Variants in RHOU observed in about 807,000 individuals in gnomAD.
The protein encoded by RHOU is ras homolog family member U.
Under a neutral mutation model 12.6 loss-of-function variants are expected in RHOU, and 8 were observed. That is an observed-to-expected ratio of 0.64 (90% CI 0.37 to 1.15). The LOEUF (loss-of-function observed/expected upper bound fraction) is 1.15, where lower values mean the gene tolerates loss of function less well. RHOU is among the 50% of genes most tolerant of loss of function. The pLI, the probability that RHOU is intolerant of heterozygous loss-of-function variation, is 0.01. For missense variants in RHOU, 258 were observed against 347.0 expected, an observed-to-expected ratio of 0.74 and a Z score of 2.04; for synonymous variants, 161 against 147.4, an observed-to-expected ratio of 1.09 and a Z score of -0.67.
the RHOU span, among the ~76,000 whole-genome samples, chr1:228,722,673 A>G: frequency 6.7e-6 from 1 of 149,540 alleles, no homozygotes; most frequent in Non-Finnish European, 1.5e-5. Context: ...AGCAGGCCGG[A>G]GTGCAGTGGC....
the RHOU span, among the ~76,000 whole-genome samples, chr1:228,724,856 G>C: frequency 6.6e-6 from 1 of 152,050 alleles, no homozygotes. Flanking sequence ...TTCATTATGT[G>C]AGTCTCCACC....
chr1:228,666,537 A>G, the RHOU span, among the ~76,000 whole-genome samples: 1 of 152,028 alleles, frequency 6.6e-6, no homozygotes, highest in Non-Finnish European at 1.5e-5. Flanking sequence ...CCCCTTACCT[A>G]TCTGTTTTTT....
chr1:228,728,317 A>C, the RHOU span, among the ~76,000 whole-genome samples: 1 of 152,078 alleles, frequency 6.6e-6, no homozygotes, highest in African/African-American at 2.4e-5. Flanking sequence ...TGGTGCTTTC[A>C]TTTTTCTTCC....
At chr1:228,650,680 G>A in the RHOU span, 1 of 486,102 alleles carries the variant, frequency 2.1e-6, no homozygotes, top group Non-Finnish European at 4.0e-6. Context: ...TTCAAAGTGA[G>A]AGAGCTCTCA....
chr1:228,712,852 T>A, the RHOU span, among the ~76,000 whole-genome samples: 6 of 102,990 alleles, frequency 5.8e-5, no homozygotes, highest in African/African-American at 3.4e-4. Context: ...TAAAATAAAA[T>A]AAAATAAAAT....
the RHOU span, among the ~76,000 whole-genome samples, chr1:228,658,443 C>T: frequency 6.6e-6 from 1 of 152,156 alleles, no homozygotes; most frequent in South Asian, 2.1e-4. Context: ...ACACAATGTT[C>T]CTCCGCTCTG....
At chr1:228,648,170 C>G in the RHOU span, 3 of 152,460 alleles carry the variant, frequency 2.0e-5, no homozygotes, top group Non-Finnish European at 2.9e-5. Context: ...CTGGGTTGCT[C>G]TCCGTGTCTA....
At chr1:228,653,570 C>T in the RHOU span, among the ~76,000 whole-genome samples, 589 of 152,234 alleles carry the variant, frequency 3.9e-3, 5 homozygotes, top group African/African-American at 0.013. Flanking sequence ...CCACCCACTT[C>T]GGCCTCCCAA....
At position 228,735,764 on chromosome 1, in the gene RHOU, C is replaced by T. The variant is rs1662590279; in HGVS notation, c.22C>T (p.Pro8Ser). 3 of 1,210,040 alleles carry T rather than the reference C, an allele frequency of 2.5e-6. No individual in the cohort carries two copies. Among genetic ancestry groups the T allele is most frequent in the Non-Finnish European group, 3.1e-6 (3 of 974,774 alleles). 75.0% of individuals were successfully genotyped at this position (1,210,040 alleles called of 1,614,324 possible). MPPQQGDPAFPDRCEAPP... is the reference protein window; with the variant it reads MPPQQGDSAFPDRCEAPP... Reference sequence around the variant, plus strand: ...ATCGATGCCCCCGCAGCAGGGGGACCCCGCGTTCCCCGACCGCTGCGAGGC... The same window carrying T: ...ATCGATGCCCCCGCAGCAGGGGGACTCCGCGTTCCCCGACCGCTGCGAGGC... Residue 8 changes from proline to serine, a missense_variant, in exon 1 of 3, where the codon CCC becomes TCC. Pro to Ser is a moderately conservative substitution (Grantham distance 74). Coordinates refer to ENST00000366691, the MANE Select transcript of RHOU (RefSeq NM_021205.6). The surrounding 1 kb of genome is among the most constrained non-coding windows in gnomAD (Gnocchi z 8.1).
At chr1:228,663,633 T>TTTC in the RHOU span, among the ~76,000 whole-genome samples, 2 of 132,782 alleles carry the variant, frequency 1.5e-5, no homozygotes, top group East Asian at 2.2e-4. Context: ...TTCTTTTTTT[T>TTTC]TTTTTTTTTT....
chr1:228,725,120 C>CT, the RHOU span, among the ~76,000 whole-genome samples: 3 of 152,142 alleles, frequency 2.0e-5, no homozygotes, highest in African/African-American at 4.8e-5. Context: ...ATCCTTCCTG[C>CT]TGTTCATACT....
chr1:228,687,799 C>T, the RHOU span: 1 of 1,326,130 alleles, frequency 7.5e-7, no homozygotes, highest in Non-Finnish European at 1.1e-6. Flanking sequence ...GACAAGCACA[C>T]CCTGGGGGAC....
chr1:228,733,404 C>A (rs1189037150), upstream of RHOU, among the ~76,000 whole-genome samples: 1 of 152,210 alleles, frequency 6.6e-6, no homozygotes, highest in East Asian at 1.9e-4. Context: ...ACTTCCCAGG[C>A]TCAAGTGATC....
the RHOU span, among the ~76,000 whole-genome samples, chr1:228,657,954 G>A: frequency 2.6e-5 from 4 of 152,016 alleles, no homozygotes; most frequent in East Asian, 7.7e-4. Context: ...AAATTTATAC[G>A]TTGAAATTTA....
the RHOU span, among the ~76,000 whole-genome samples, chr1:228,693,062 G>C: frequency 1.3e-5 from 2 of 152,118 alleles, no homozygotes; most frequent in African/African-American, 4.8e-5. Flanking sequence ...CCTTTTCAAA[G>C]GGAAAGTTTA....
the RHOU span, among the ~76,000 whole-genome samples, chr1:228,700,675 G>T: frequency 0.012 from 1,808 of 152,166 alleles, 36 homozygotes; most frequent in African/African-American, 0.042. Context: ...AGACATGTCA[G>T]AATTTTAGGA....
At chr1:228,696,241 A>C in the RHOU span, among the ~76,000 whole-genome samples, 1 of 151,456 alleles carries the variant, frequency 6.6e-6, no homozygotes, top group African/African-American at 2.4e-5. Flanking sequence ...TTAAAAAAAA[A>C]AAACAAAACG....
At chr1:228,678,781 A>T in the RHOU span, among the ~76,000 whole-genome samples, 1 of 152,092 alleles carries the variant, frequency 6.6e-6, no homozygotes, top group African/African-American at 2.4e-5. Flanking sequence ...AGGTGTGAGG[A>T]AGAAAATAGA....
chr1:228,661,063 C>T, the RHOU span, among the ~76,000 whole-genome samples: 91 of 152,062 alleles, frequency 6.0e-4, no homozygotes, highest in South Asian at 3.7e-3. Flanking sequence ...AGAGCCAAAT[C>T]ATGAGTGAAC....
Sources: gnomAD v4.1 joint callset for allele counts (sites outside exome capture counted in the v4.1 genomes callset) on GRCh38, gnomAD v4.1.1 for gene constraint, Gnocchi (gnomAD v3.1) non-coding constraint, MANE v1.5 for transcripts, NCBI Gene and HGNC (gene_info 2026-07-23, HGNC 2026-07-21) for gene names.